ZIM2: variants seen among roughly 807,000 people sequenced by gnomAD.
ZIM2 encodes the protein zinc finger protein 656.
ZIM2 carries 14 observed loss-of-function variants against 38.6 expected under a neutral mutation model. That is an observed-to-expected ratio of 0.36 (90% confidence interval 0.24 to 0.57). The LOEUF (loss-of-function observed/expected upper bound fraction) is 0.57, where lower values mean the gene tolerates loss of function less well. ZIM2 is among the 20% of genes least tolerant of loss of function. ZIM2 has a pLI of 0.81. For missense variants in ZIM2, 680 were observed against 695.1 expected (o/e 0.98, Z 0.24); for synonymous variants, 247 against 245.8 (o/e 1.00, Z -0.04).
At chr19:56,787,068 T>C (rs1209848840) in intron 10 of ZIM2, among the ~76,000 whole-genome samples, 2 of 152,010 alleles carry the variant, frequency 1.3e-5, no homozygotes, top group African/African-American at 4.8e-5. Context: ...ACTCCTGACC[T>C]AAGGTGATCC....
chr19:56,812,227 G>C, intron 9 of ZIM2: 1 of 981,348 alleles, frequency 1.0e-6, no homozygotes, highest in Non-Finnish European at 1.2e-6. Context: ...AGCACAGGTA[G>C]TCCACAGAAT....
At chr19:56,797,570 A>T (rs1394702721) in intron 9 of ZIM2, among the ~76,000 whole-genome samples, 1 of 152,042 alleles carries the variant, frequency 6.6e-6, no homozygotes, top group African/African-American at 2.4e-5. Context: ...CCTACATGTC[A>T]ATTTCCATGC....
At chr19:56,786,234 C>T (rs191546601) in intron 10 of ZIM2, among the ~76,000 whole-genome samples, 4 of 152,108 alleles carry the variant, frequency 2.6e-5, no homozygotes, top group Non-Finnish European at 5.9e-5. Flanking sequence ...ATGTGTTCAC[C>T]CTCAAGAACC....
intron 2 of ZIM2, 44 bp from the exon 3 acceptor site, chr19:56,826,507 A>G (rs1240654736): frequency 6.6e-6 from 1 of 152,228 alleles, no homozygotes; most frequent in Non-Finnish European, 1.5e-5. Context: ...TAAGAATATG[A>G]AAGACATGTA....
intron 2 of ZIM2, among the ~76,000 whole-genome samples, chr19:56,829,172 G>T (rs2061342137): frequency 6.6e-6 from 1 of 152,026 alleles, no homozygotes; most frequent in South Asian, 2.1e-4. Context: ...CCAACGTGGT[G>T]AAACTCCATC....
chr19:56,815,112 C>T (rs1200376609), intron 9 of ZIM2: 11 of 1,613,730 alleles, frequency 6.8e-6, no homozygotes, highest in East Asian at 2.2e-5. Context: ...GGCCACAGTC[C>T]TCACATTCAT....
At chr19:56,818,865 G>A (rs868242887) in intron 7 of ZIM2, among the ~76,000 whole-genome samples, 163 bp from the exon 8 acceptor site, 28 of 152,194 alleles carry the variant, frequency 1.8e-4, no homozygotes, top group South Asian at 1.0e-3. Context: ...AGGGACCTAC[G>A]TCGTACCTAC....
intron 6 of ZIM2, 101 bp downstream of exon 6, chr19:56,822,652 T>C (rs1320115208): frequency 1.3e-6 from 2 of 1,492,718 alleles, no homozygotes; most frequent in African/African-American, 2.8e-5. Context: ...ATACTCCAAA[T>C]GGAGCAGCAG....
In ZIM2 at chr19:56,824,519, T is replaced by C. The variant is rs756017383; in HGVS notation, c.-150-92A>G. 14 of 1,614,018 alleles carry C rather than the reference T, an allele frequency of 8.7e-6. 1 individual carries two copies. The South Asian group carries it at 1.3e-4, about 15-fold the overall frequency. On this transcript the variant is annotated intron_variant, in intron 3 of 12. Transcript: ENST00000629319. ...ATAGATTAGGTTCCGAAACCTCTGA[T>C]GAAAAAACTCAGAGTCAGTTGGACC...
Position 56,824,334 on chromosome 19 carries a change from C to A in ZIM2, c.-57G>T. The A allele has an allele frequency of 6.2e-7, 1 of 1,614,094 alleles. No homozygotes were observed. The highest frequency in any genetic ancestry group is 1.6e-4 in the Middle Eastern group (1 of 6,062). On this transcript the variant is annotated 5_prime_UTR_variant, in exon 4 of 13. Coordinates refer to ENST00000629319, the MANE Select transcript of ZIM2 (RefSeq NM_001387356.1). ...TTCTCACAGTTCTCCGGCTTTTTTGCTCGCACCCAAGGCTTGAGCTTTTCA... is the reference window on the plus strand; with the variant it reads ...TTCTCACAGTTCTCCGGCTTTTTTGATCGCACCCAAGGCTTGAGCTTTTCA...
In ZIM2 at chr19:56,813,027, G is replaced by A. The variant is rs997459621; in HGVS notation, c.490+4719C>T. ...AAGTACTTATCTTTTCAAACAGTAA[G>A]GAGTAAAAGCCATGTTATCTATCAT... On this transcript the variant is annotated intron_variant, in intron 9 of 12. Transcript: ENST00000629319. 4.1e-6 allele frequency: 4 copies of A among 985,562 alleles called. No individual in the cohort carries two copies. The South Asian group carries it at 1.9e-4, about 46-fold the overall frequency. 61.1% of individuals were successfully genotyped at this position (985,562 alleles called of 1,614,324 possible).
chr19:56,822,298 T>C (rs1481400894), intron 6 of ZIM2, among the ~76,000 whole-genome samples: 2 of 152,150 alleles, frequency 1.3e-5, no homozygotes, highest in Non-Finnish European at 2.9e-5. Flanking sequence ...AATACACTGG[T>C]GTGATGATTG....
chr19:56,812,934 T>A, intron 9 of ZIM2: 1 of 985,784 alleles, frequency 1.0e-6, no homozygotes, highest in Non-Finnish European at 1.2e-6. Context: ...ATCCGTATAT[T>A]GTAAAGCCTT....
At chr19:56,790,416 G>A (rs1025201615) in intron 9 of ZIM2, among the ~76,000 whole-genome samples, 1 of 152,128 alleles carries the variant, frequency 6.6e-6, no homozygotes, top group African/African-American at 2.4e-5. Flanking sequence ...GTTATAAATT[G>A]TGTGCCATTC....
chr19:56,814,836 G>A lies in ZIM2; in HGVS notation c.490+2910C>T. On this transcript the variant is annotated intron_variant, in intron 9 of 12. Transcript: ENST00000629319. The surrounding 1 kb of genome is among the most constrained non-coding windows in gnomAD (Gnocchi z 5.8). Reference sequence around the variant, plus strand: ...TCCTCCGTGGCTTCATGGGCAAGAGGGCAATAAAACCATCATCACACCCCT... The same window carrying A: ...TCCTCCGTGGCTTCATGGGCAAGAGAGCAATAAAACCATCATCACACCCCT... 1.2e-6 allele frequency: 2 copies of A among 1,614,110 alleles called. No homozygotes were observed. The highest frequency in any genetic ancestry group is 2.2e-5 in the East Asian group (1 of 44,876).
intron 7 of ZIM2, 35 bp downstream of exon 7, chr19:56,821,616 T>C (rs1353719801): frequency 6.2e-7 from 1 of 1,609,462 alleles, no homozygotes; most frequent in Non-Finnish European, 8.5e-7. Flanking sequence ...GAAATGAAGA[T>C]GGCCTTTCTA....
At chr19:56,831,640 G>A (rs1264455155) in intron 2 of ZIM2, among the ~76,000 whole-genome samples, 1 of 152,146 alleles carries the variant, frequency 6.6e-6, no homozygotes, top group Admixed American at 6.5e-5. Flanking sequence ...ATTAAACAAG[G>A]AATGAAAACA....
chr19:56,783,458 T>C (rs758261828), intron 10 of ZIM2, among the ~76,000 whole-genome samples: 124 of 152,190 alleles, frequency 8.1e-4, no homozygotes, highest in Admixed American at 2.8e-3. Context: ...GTATACACCA[T>C]TGAATACTAT....
At chr19:56,809,070 GTA>G (rs2047922203) in intron 9 of ZIM2, among the ~76,000 whole-genome samples, 1 of 152,144 alleles carries the variant, frequency 6.6e-6, no homozygotes, top group African/African-American at 2.4e-5. Flanking sequence ...TTGCCCAAGA[GTA>G]TAAGGATTGG....
Sources: gnomAD v4.1 joint callset for allele counts (sites outside exome capture counted in the v4.1 genomes callset) on GRCh38, gnomAD v4.1.1 for gene constraint, Gnocchi (gnomAD v3.1) non-coding constraint, MANE v1.5 for transcripts, NCBI Gene and HGNC (gene_info 2026-07-23, HGNC 2026-07-21) for gene names.